The following CORO2A variants were observed in gnomAD, a reference collection of about 807,000 sequenced individuals.
The protein encoded by CORO2A is coronin-2A.
In CORO2A, 47 loss-of-function variants were observed where a neutral mutation model predicts 62.4. The ratio of observed to expected loss-of-function variants is 0.75; its 90% CI spans 0.60 to 0.96. The LOEUF (loss-of-function observed/expected upper bound fraction) is 0.96, where lower values mean the gene tolerates loss of function less well. Ranked by LOEUF, CORO2A falls within the 40% of genes least tolerant of loss-of-function variation. The pLI, the probability that CORO2A is intolerant of heterozygous loss-of-function variation, is 0.00. For synonymous variants in CORO2A, 273 were observed against 268.9 expected (o/e 1.02, Z -0.15); for missense variants, 610 against 684.1 (o/e 0.89, Z 1.21).
chr9:98,190,559 G>A (rs1828294084), intron 1 of CORO2A, among the ~76,000 whole-genome samples: 2 of 152,100 alleles, frequency 1.3e-5, no homozygotes, highest in African/African-American at 4.8e-5. Flanking sequence ...CTGGCGACAG[G>A]GGATGCCTAT....
intron 1 of CORO2A, among the ~76,000 whole-genome samples, chr9:98,178,000 C>A (rs2118925511): frequency 6.6e-6 from 1 of 152,170 alleles, no homozygotes; most frequent in South Asian, 2.1e-4. Context: ...GCAATAGAAA[C>A]CCCAGTGTTA....
rs140057392 is a variant in CORO2A at position 98,162,050 on chromosome 9, G to A, written c.1-4390C>T. Among the ~76,000 whole-genome samples, 7 of 152,288 alleles carry A rather than the reference G, an allele frequency of 4.6e-5. No individual in the cohort carries two copies. The East Asian group carries it at 5.8e-4, about 13-fold the overall frequency. ...TTTGAGTGCTTACAAGCTGCCAGGC[G>A]CCATTCCAAATGCTTTCCATGCATG... On this transcript the variant is annotated intron_variant, in intron 1 of 11. Transcript: ENST00000375077.
intron 2 of CORO2A, among the ~76,000 whole-genome samples, chr9:98,150,611 A>C (rs762188291): frequency 5.3e-5 from 8 of 152,170 alleles, no homozygotes; most frequent in Non-Finnish European, 1.2e-4. Flanking sequence ...TCTTTATATC[A>C]GTTGTTAGTA....
At chr9:98,131,162 G>T in intron 6 of CORO2A, 103 bp from the exon 7 acceptor site, 2 of 710,200 alleles carry the variant, frequency 2.8e-6, no homozygotes, top group Non-Finnish European at 4.8e-6. Context: ...GGGCGAGAGT[G>T]TGTGTGTCAG....
At position 98,169,636 on chromosome 9, in the gene CORO2A, CCTT is replaced by C. The variant is rs111953206; in HGVS notation, c.1-11979_1-11977del. On this transcript the variant is annotated intron_variant, in intron 1 of 11. Coordinates refer to ENST00000375077, the MANE Select transcript of CORO2A (RefSeq NM_052820.4). Reference sequence around the variant, plus strand: ...TACGTTCCCCCTGAGTCTTTGACCTCCTTCTCATCTCCACAGACCTGTTCTCTG... The same window carrying C: ...TACGTTCCCCCTGAGTCTTTGACCTCCTCATCTCCACAGACCTGTTCTCTG... 3.6e-3 allele frequency among the ~76,000 whole-genome samples: 548 copies of C among 152,314 alleles called. 3 individuals carry two copies. Among genetic ancestry groups the C allele is most frequent in the African/African-American group, 0.013 (524 of 41,562 alleles).
Position 98,130,994 on chromosome 9 carries a change from G to A in CORO2A, c.831C>T (p.Phe277=). 1 of 1,614,058 alleles carries A rather than the reference G, an allele frequency of 6.2e-7. No homozygotes were observed. The highest frequency in any genetic ancestry group is 8.5e-7 in the Non-Finnish European group (1 of 1,179,988). ...LDGSSGVLFP[F]YDADTSMLYV... ...AGAGCATGCTGGTGTCCGCGTCATA[G>A]AAGGGAAACAGCACGCCCGAGGAGC... The change falls in exon 7 of 12, where the codon TTC becomes TTT. Residue 277 remains phenylalanine (F), a synonymous_variant. Coordinates refer to ENST00000375077, the MANE Select transcript of CORO2A (RefSeq NM_052820.4).
chr9:98,127,175 T>C (rs1366529037), intron 10 of CORO2A, among the ~76,000 whole-genome samples: 1 of 152,178 alleles, frequency 6.6e-6, no homozygotes, highest in Non-Finnish European at 1.5e-5. Flanking sequence ...ATTAGTTCTC[T>C]CACCACCTCC....
chr9:98,177,254 T>A (rs1828120349), intron 1 of CORO2A, among the ~76,000 whole-genome samples: 2 of 152,066 alleles, frequency 1.3e-5, no homozygotes, highest in Non-Finnish European at 2.9e-5. Context: ...TCCACCCACA[T>A]TTTCCAAGTC....
At chr9:98,163,270 A>G (rs1827911375) in intron 1 of CORO2A, among the ~76,000 whole-genome samples, 1 of 152,124 alleles carries the variant, frequency 6.6e-6, no homozygotes, top group Non-Finnish European at 1.5e-5. Context: ...GCTCACTGCA[A>G]CCTCTGCCTC....
chr9:98,132,680 A>G (rs929740765), intron 5 of CORO2A, among the ~76,000 whole-genome samples: 1 of 152,204 alleles, frequency 6.6e-6, no homozygotes, highest in Non-Finnish European at 1.5e-5. Flanking sequence ...AGAGGCTCAG[A>G]GCAGGAAGCG....
At chr9:98,178,306 C>A (rs1020699960) in intron 1 of CORO2A, among the ~76,000 whole-genome samples, 1 of 152,214 alleles carries the variant, frequency 6.6e-6, no homozygotes, top group African/African-American at 2.4e-5. Context: ...CTTGGCCTCC[C>A]AAAGTACTGG....
intron 6 of CORO2A, 23 bp from the exon 7 acceptor site, chr9:98,131,082 G>C (rs1022746930): frequency 1.3e-6 from 2 of 1,562,182 alleles, no homozygotes; most frequent in Admixed American, 1.8e-5. Flanking sequence ...GGGAGGCAGG[G>C]AAGGCCTGGG....
chr9:98,135,717 T>C (rs1456917792), intron 3 of CORO2A, among the ~76,000 whole-genome samples: 2 of 152,202 alleles, frequency 1.3e-5, no homozygotes, highest in African/African-American at 2.4e-5. Flanking sequence ...TAGTTGATTG[T>C]ATGCACTGTT....
intron 2 of CORO2A, among the ~76,000 whole-genome samples, chr9:98,142,702 TG>T (rs1295962419): frequency 6.6e-6 from 1 of 151,702 alleles, no homozygotes; most frequent in Non-Finnish European, 1.5e-5. Flanking sequence ...GCCTTAGGGT[TG>T]GGCGTGGCTC....
intron 2 of CORO2A, among the ~76,000 whole-genome samples, chr9:98,152,658 G>A (rs970302133): frequency 6.6e-6 from 1 of 152,134 alleles, no homozygotes; most frequent in African/African-American, 2.4e-5. Context: ...TTAATAGCAT[G>A]AATAATGTGA....
At chr9:98,128,411 G>T in intron 9 of CORO2A, 151 bp from the exon 10 acceptor site, 1 of 786,906 alleles carries the variant, frequency 1.3e-6, no homozygotes, top group Non-Finnish European at 2.1e-6. Flanking sequence ...CCGAGGTCAC[G>T]CAGCAGCTCA....
intron 3 of CORO2A, among the ~76,000 whole-genome samples, chr9:98,135,294 A>G (rs1171677407): frequency 6.6e-6 from 1 of 152,158 alleles, no homozygotes; most frequent in African/African-American, 2.4e-5. Context: ...CTCCTAAGCT[A>G]GGATATCCCC....
chr9:98,138,980 G>C (rs1170451446), intron 2 of CORO2A, among the ~76,000 whole-genome samples: 1 of 150,516 alleles, frequency 6.6e-6, no homozygotes, highest in Admixed American at 6.7e-5. Flanking sequence ...CCAGGAGGCA[G>C]AGGTTGCAGT....
intron 2 of CORO2A, among the ~76,000 whole-genome samples, chr9:98,155,698 G>C (rs1827794742): frequency 6.6e-6 from 1 of 152,062 alleles, no homozygotes; most frequent in South Asian, 2.1e-4. Flanking sequence ...GAACTATTCA[G>C]GCTTTCTATT....
Sources: allele counts gnomAD v4.1 joint callset (sites outside exome capture counted in the v4.1 genomes callset), GRCh38; gene constraint gnomAD v4.1.1; transcripts MANE v1.5; gene names NCBI Gene and HGNC (gene_info 2026-07-23, HGNC 2026-07-21).